The following ATP2A1 variants were observed in gnomAD, a reference collection of about 807,000 sequenced individuals.
The protein encoded by ATP2A1 is ATPase sarcoplasmic/endoplasmic reticulum Ca2+ transporting 1.
In ATP2A1, 83 loss-of-function variants were observed where a neutral mutation model predicts 109.5. The ratio of observed to expected loss-of-function variants is 0.76; its 90% CI spans 0.63 to 0.91. ATP2A1 has a LOEUF of 0.91. Ranked by LOEUF, ATP2A1 falls within the 40% of genes least tolerant of loss-of-function variation. The pLI is 0.00. For missense variants in ATP2A1, 1,101 were observed against 1,341.0 expected (o/e 0.82, Z 2.80); for synonymous variants, 505 against 537.6 (o/e 0.94, Z 0.84).
rs1963450021 is a variant in ATP2A1 at position 28,880,833 on chromosome 16, T to C, written c.220-82T>C. On this transcript the variant is annotated intron_variant, in intron 3 of 22. Coordinates refer to ENST00000395503, the MANE Select transcript of ATP2A1 (RefSeq NM_004320.6). The surrounding 1 kb of genome is among the most constrained non-coding windows in gnomAD (Gnocchi z 4.2). ...GCTCCTGCACTCTCCTGCACAGTTCTCCCCTTTGCAGTGGTCCACTTCCTT... is the reference window on the plus strand; with the variant it reads ...GCTCCTGCACTCTCCTGCACAGTTCCCCCCTTTGCAGTGGTCCACTTCCTT... The C allele has an allele frequency of 2.2e-6, 3 of 1,336,628 alleles. No homozygotes were observed. The highest frequency in any genetic ancestry group is 3.2e-6 in the Non-Finnish European group (3 of 928,424). The allele number at this position is 1,336,628 out of a possible 1,614,324, so 82.8% of individuals were successfully genotyped here.
Position 28,894,204 on chromosome 16 carries a change from T to A in ATP2A1, c.1145T>A (p.Phe382Tyr). ...GGGGACATCTGCCTCCTGAATGAGT[T>A]CTCCATCACCGGCTCCACTTACGCT... ...VDGDICLLNEFSITGSTYAPE... is the reference protein window; with the variant it reads ...VDGDICLLNEYSITGSTYAPE... Residue 382 changes from phenylalanine to tyrosine, a missense_variant, in exon 10 of 23, where the codon TTC (phenylalanine) becomes TAC (tyrosine). Coordinates refer to ENST00000395503, the MANE Select transcript of ATP2A1 (RefSeq NM_004320.6). The A allele has an allele frequency of 6.2e-7, 1 of 1,613,844 alleles. No individual in the cohort carries two copies. The highest frequency in any genetic ancestry group is 8.5e-7 in the Non-Finnish European group (1 of 1,179,948).
Position 28,898,174 on chromosome 16 carries a change from C to T in ATP2A1, c.1545+49C>T. The T allele has an allele frequency of 6.2e-7, 1 of 1,614,200 alleles. No individual in the cohort carries two copies. The highest frequency in any genetic ancestry group is 8.5e-7 in the Non-Finnish European group (1 of 1,180,020). ...GCCCCCTCTTCTTCCTACTCCTAGCCACCTGTCACTGCCCTGGAAGGAAAG... is the reference window on the plus strand; with the variant it reads ...GCCCCCTCTTCTTCCTACTCCTAGCTACCTGTCACTGCCCTGGAAGGAAAG... On this transcript the variant is annotated intron_variant, in intron 13 of 22. Transcript: ENST00000395503. This position sits in a 1 kb window ranked among gnomAD's most constrained non-coding sequence, Gnocchi z 4.0.
Position 28,902,636 on chromosome 16 carries a change from GATGGGCCTCATGTCA to G in ATP2A1, c.2583_2597del (p.Gly862_Asn866del). On this transcript the variant is annotated inframe_deletion, in exon 18 of 23. Transcript: ENST00000395503. The surrounding 1 kb of genome is among the most constrained non-coding windows in gnomAD (Gnocchi z 4.8). ...TGCCTGGTGGTTCCTGTACGCTGAG[GATGGGCCTCATGTCA>G]ACTACAGCCAGCTGGTAGGGGGAGG... The G allele has an allele frequency of 6.2e-7, 1 of 1,614,112 alleles. No homozygotes were observed. The highest frequency in any genetic ancestry group is 8.5e-7 in the Non-Finnish European group (1 of 1,179,994).
rs749547982 is a variant in ATP2A1, at chr16:28,887,538, C to T, written c.744C>T (p.Pro248=). The T allele has an allele frequency of 1.6e-5, 26 of 1,613,970 alleles. 1 individual carries two copies. In the East Asian group the frequency reaches 5.8e-4, roughly 36 times the overall value. The part of the protein sequence containing the change: ...QMAATEQDKT[P]LQQKLDEFGE... ...CTGCCACAGAACAGGACAAGACCCCCTTGCAGCAGAAGCTGGATGAGTTTG... is the reference window on the plus strand; with the variant it reads ...CTGCCACAGAACAGGACAAGACCCCTTTGCAGCAGAAGCTGGATGAGTTTG... The change falls in exon 8 of 23, where the codon CCC becomes CCT. Residue 248 remains proline (P), a synonymous_variant. Transcript: ENST00000395503.
chr16:28,887,169 C>G lies in ATP2A1; in HGVS notation c.545-20C>G. On this transcript the variant is annotated intron_variant, in intron 6 of 22. Transcript: ENST00000395503. ...AAGGACATGATGTCATCCGAAAACCCCTTGGCCCCTTCTCCACAGGCGAGT... is the reference window on the plus strand; with the variant it reads ...AAGGACATGATGTCATCCGAAAACCGCTTGGCCCCTTCTCCACAGGCGAGT... 6.2e-7 allele frequency: 1 copy of G among 1,613,156 alleles called. No homozygotes were observed. The highest frequency in any genetic ancestry group is 8.5e-7 in the Non-Finnish European group (1 of 1,179,346).
chr16:28,900,742 TG>T lies in ATP2A1; in HGVS notation c.1930del (p.Glu644ArgfsTer57). The T allele has an allele frequency of 6.2e-7, 1 of 1,614,062 alleles. No homozygotes were observed. The highest frequency in any genetic ancestry group is 8.5e-7 in the Non-Finnish European group (1 of 1,180,002). On this transcript the variant is annotated frameshift_variant, in exon 15 of 23. Transcript: ENST00000395503. LOFTEE classifies it high-confidence loss of function. ...IAICRRIGIF[G>X]ENEEVADRAY... Reference sequence around the variant, plus strand: ...CCATCTGCCGGCGAATTGGCATCTTTGGGGAGAACGAGGAGGTGGCCGATCG... The same window carrying T: ...CCATCTGCCGGCGAATTGGCATCTTTGGGAGAACGAGGAGGTGGCCGATCG...
chr16:28,881,229 C>T (rs1963466512), intron 4 of ATP2A1, among the ~76,000 whole-genome samples: 1 of 152,148 alleles, frequency 6.6e-6, no homozygotes, highest in Non-Finnish European at 1.5e-5. Context: ...GAGCAAGTTC[C>T]TTCATCCCTC....
Position 28,878,783 on chromosome 16 carries a change from C to G in ATP2A1, c.112C>G (p.Leu38Val). Residue 38 changes from leucine (L) to valine (V), a missense_variant, in exon 1 of 23, where the codon CTC becomes GTC. Physicochemically the swap from Leu to Val is conservative, Grantham distance 32. Coordinates refer to ENST00000395503, the MANE Select transcript of ATP2A1 (RefSeq NM_004320.6). The stretch of plus-strand genomic sequence containing the variant: ...TAAGCGGAATCTGGAGAAATACGGC[C>G]TCAATGGTAAGTGTCCCTTGGAAGA... ...QVKRNLEKYG[L>V]NELPAEEGKT... The G allele has an allele frequency of 6.2e-7, 1 of 1,613,988 alleles. No individual in the cohort carries two copies. The highest frequency in any genetic ancestry group is 1.1e-5 in the South Asian group (1 of 91,046).
rs1422189773 is a variant in ATP2A1 at position 28,902,607 on chromosome 16, C to T, written c.2552C>T (p.Ala851Val). The change falls in exon 18 of 23, where the codon GCA becomes GTA. Residue 851 changes from alanine to valine, a missense_variant. Coordinates refer to ENST00000395503, the MANE Select transcript of ATP2A1 (RefSeq NM_004320.6). This position sits in a 1 kb window ranked among gnomAD's most constrained non-coding sequence, Gnocchi z 4.8. ...GGYVGAATVG[A>V]AAWWFLYAED... ...TATGTGGGTGCAGCCACCGTGGGAG[C>T]AGCTGCCTGGTGGTTCCTGTACGCT... 6.2e-7 allele frequency: 1 copy of T among 1,613,994 alleles called. No individual in the cohort carries two copies. The highest frequency in any genetic ancestry group is 2.2e-5 in the East Asian group (1 of 44,890).
At chr16:28,895,009 AGAGG>A in intron 12 of ATP2A1, 56 bp downstream of exon 12, 1 of 1,601,020 alleles carries the variant, frequency 6.2e-7, no homozygotes, top group Non-Finnish European at 8.5e-7. Context: ...TGCATAGACT[AGAGG>A]AAGGCAGAGG....
chr16:28,879,969 G>T, intron 3 of ATP2A1: 1 of 1,010,966 alleles, frequency 9.9e-7, no homozygotes, highest in South Asian at 4.1e-5. Flanking sequence ...ACCAATCCCC[G>T]CGCCCGTCGG....
At chr16:28,889,455 G>A (rs991040862) in intron 9 of ATP2A1, among the ~76,000 whole-genome samples, 4 of 151,802 alleles carry the variant, frequency 2.6e-5, no homozygotes, top group Admixed American at 6.6e-5. Flanking sequence ...GACAGGGTTC[G>A]CCATGTTGGC....
chr16:28,895,843 AAC>A (rs1484671171), intron 12 of ATP2A1, among the ~76,000 whole-genome samples: 1 of 152,202 alleles, frequency 6.6e-6, no homozygotes, highest in Admixed American at 6.5e-5. Context: ...CAGCCTGGGC[AAC>A]AGAGGGAGAC....
chr16:28,879,250 G>C, intron 2 of ATP2A1, 134 bp downstream of exon 2: 1 of 1,214,370 alleles, frequency 8.2e-7, no homozygotes, highest in Non-Finnish European at 1.2e-6. Context: ...CTCCCTAAAG[G>C]TTAGAGTCCT....
At chr16:28,899,286 G>A (rs565225400) in intron 14 of ATP2A1, among the ~76,000 whole-genome samples, 6 of 152,322 alleles carry the variant, frequency 3.9e-5, no homozygotes, top group Non-Finnish European at 7.3e-5. Flanking sequence ...TGTGGGTCAC[G>A]TAGTGGCACT....
intron 8 of ATP2A1, 108 bp from the exon 9 acceptor site, chr16:28,888,679 A>G: frequency 7.5e-7 from 1 of 1,334,238 alleles, no homozygotes; most frequent in African/African-American, 1.4e-5. Context: ...TGCTAGGATT[A>G]TAGGTGTGCA....
intron 9 of ATP2A1, chr16:28,892,299 CT>C: frequency 3.5e-6 from 1 of 285,610 alleles, no homozygotes; most frequent in Non-Finnish European, 7.3e-6. Context: ...TATCTCAGTT[CT>C]TGGGCTCCTT....
chr16:28,904,092 C>T, intron 22 of ATP2A1, 88 bp from the exon 23 acceptor site: 1 of 1,242,656 alleles, frequency 8.0e-7, no homozygotes, highest in East Asian at 2.3e-5. Flanking sequence ...TCTGAGCCTC[C>T]AGGTAAGTGC....
chr16:28,903,393 T>C lies in ATP2A1; in HGVS notation c.2933T>C (p.Ile978Thr), dbSNP rs1446902966. 1.2e-5 allele frequency: 20 copies of C among 1,613,978 alleles called. No individual in the cohort carries two copies. The Admixed American group carries it at 1.3e-4, about 11-fold the overall frequency. ...LMVLKISLPVIGLDEILKFVA... is the reference protein window; with the variant it reads ...LMVLKISLPVTGLDEILKFVA... Reference sequence around the variant, plus strand: ...GTCCTCAAGATCTCACTGCCAGTCATTGGGCTCGACGAAATCCTCAAGTTC... The same window carrying C: ...GTCCTCAAGATCTCACTGCCAGTCACTGGGCTCGACGAAATCCTCAAGTTC... The change falls in exon 21 of 23, where the codon ATT becomes ACT. Residue 978 changes from isoleucine to threonine, a missense_variant. Coordinates refer to ENST00000395503, the MANE Select transcript of ATP2A1 (RefSeq NM_004320.6). The surrounding 1 kb of genome is among the most constrained non-coding windows in gnomAD (Gnocchi z 5.6).
Sources: allele counts gnomAD v4.1 joint callset (sites outside exome capture counted in the v4.1 genomes callset), GRCh38; gene constraint gnomAD v4.1.1; non-coding constraint Gnocchi (gnomAD v3.1); transcripts MANE v1.5; gene names NCBI Gene and HGNC (gene_info 2026-07-23, HGNC 2026-07-21).